PIK3C3: variants seen among roughly 807,000 people sequenced by gnomAD.
PIK3C3 encodes the protein PI3-kinase type 3.
In PIK3C3, 95 loss-of-function variants were observed where a neutral mutation model predicts 126.1. That is an observed-to-expected ratio of 0.75 (90% CI 0.64 to 0.89). PIK3C3 has a LOEUF of 0.89. Ranked by LOEUF, PIK3C3 falls within the 40% of genes least tolerant of loss-of-function variation. The probability of loss-of-function intolerance (pLI) is 0.00; values close to 1 mark genes in which losing one functional copy is unlikely to be tolerated. For missense variants in PIK3C3, 829 were observed against 1,063.2 expected, an observed-to-expected ratio of 0.78 and a Z score of 3.06; for synonymous variants, 374 against 360.0, an observed-to-expected ratio of 1.04 and a Z score of -0.44.
chr18:42,023,052 A>G (rs1983397477), intron 13 of PIK3C3, among the ~76,000 whole-genome samples: 1 of 152,180 alleles, frequency 6.6e-6, no homozygotes, highest in African/African-American at 2.4e-5. Context: ...AAAGCTTCTT[A>G]GGTATTTTTA....
At position 42,029,333 on chromosome 18, in the gene PIK3C3, G is replaced by A. The variant is rs767147872; in HGVS notation, c.1599G>A (p.Lys533=). 1.9e-6 allele frequency: 3 copies of A among 1,610,864 alleles called. No individual in the cohort carries two copies. Among genetic ancestry groups the A allele is most frequent in the Admixed American group, 1.7e-5 (1 of 60,018 alleles). Residue 533 remains lysine (K), a synonymous_variant, in exon 15 of 25, where the codon AAG becomes AAA. Coordinates refer to ENST00000262039, the MANE Select transcript of PIK3C3 (RefSeq NM_002647.4). ...RFSQALLKGD[K]SVRVMRSLLA... is the part of the protein sequence containing the mutation. ...CACTTTGAACCCTTCAGGGTGATAAGTCTGTCAGAGTTATGCGTTCTTTGC... is the reference window on the plus strand; with the variant it reads ...CACTTTGAACCCTTCAGGGTGATAAATCTGTCAGAGTTATGCGTTCTTTGC...
chr18:42,026,074 G>A (rs1057352593), intron 13 of PIK3C3: 2 of 152,104 alleles, frequency 1.3e-5, no homozygotes, highest in Admixed American at 6.5e-5. Flanking sequence ...TAAGAAGGTC[G>A]AAAAGTTTCA....
At chr18:41,985,511 T>C (rs971503244) in intron 4 of PIK3C3, among the ~76,000 whole-genome samples, 1 of 152,148 alleles carries the variant, frequency 6.6e-6, no homozygotes, top group African/African-American at 2.4e-5. Context: ...ACAATATCTT[T>C]CCTGTGAAGG....
intron 19 of PIK3C3, among the ~76,000 whole-genome samples, chr18:42,041,187 AAAAC>A (rs1034849946): frequency 5.9e-5 from 9 of 152,276 alleles, no homozygotes; most frequent in African/African-American, 2.2e-4. Context: ...GTGTCAAAAA[AAAAC>A]AAAAAAAACC....
intron 10 of PIK3C3, among the ~76,000 whole-genome samples, chr18:42,007,225 T>C (rs1598889569): frequency 1.3e-5 from 2 of 152,318 alleles, no homozygotes; most frequent in South Asian, 2.1e-4. Flanking sequence ...CCAAAAGATA[T>C]CTGCTTTTTA....
rs993864611 is a variant in PIK3C3, at chr18:42,081,935, T to C, written c.*798T>C. 4 of 152,188 alleles carry C rather than the reference T, an allele frequency of 2.6e-5. No homozygotes were observed. Among genetic ancestry groups the C allele is most frequent in the African/African-American group, 9.6e-5 (4 of 41,454 alleles). 9.4% of individuals were successfully genotyped at this position (152,188 alleles called of 1,614,324 possible). A position where few individuals can be genotyped will look rare whatever the true frequency, so the allele number is the denominator to read the frequency against. On this transcript the variant is annotated 3_prime_UTR_variant, in exon 25 of 25. Coordinates refer to ENST00000262039, the MANE Select transcript of PIK3C3 (RefSeq NM_002647.4). ...GTCTTTCTGCAATAAATTTTTTGGA[T>C]GCAAATTTAGATTTCAAAAGCTTTT... is the stretch of plus-strand genomic sequence containing the variant.
In PIK3C3 at chr18:42,010,546, A is replaced by G. The variant is rs538646848; in HGVS notation, c.1171-2896A>G. Among the ~76,000 whole-genome samples, 290 of 152,142 alleles carry G rather than the reference A, an allele frequency of 1.9e-3. 1 individual carries two copies. The highest frequency in any genetic ancestry group is 6.4e-3 in the African/African-American group (266 of 41,524). On this transcript the variant is annotated intron_variant, in intron 10 of 24. Coordinates refer to ENST00000262039, the MANE Select transcript of PIK3C3 (RefSeq NM_002647.4). ...GCGCCCACCTAATTTTTGTATTTTTAGTAGAGACAGGGTTTCGCCATGTTA... is the reference window on the plus strand; with the variant it reads ...GCGCCCACCTAATTTTTGTATTTTTGGTAGAGACAGGGTTTCGCCATGTTA...
chr18:42,003,038 G>C (rs997525593), intron 9 of PIK3C3, among the ~76,000 whole-genome samples: 3 of 152,156 alleles, frequency 2.0e-5, no homozygotes, highest in Non-Finnish European at 4.4e-5. Flanking sequence ...TCTACATCTA[G>C]CTCATGCACC....
At chr18:41,968,366 T>G (rs16975461) in intron 3 of PIK3C3, among the ~76,000 whole-genome samples, 2,768 of 152,316 alleles carry the variant, frequency 0.018, 95 homozygotes, top group African/African-American at 0.062. Context: ...TGAATCTATA[T>G]CTCAGTTGAA....
At chr18:41,977,530 C>T (rs952962653) in intron 4 of PIK3C3, among the ~76,000 whole-genome samples, 2 of 151,950 alleles carry the variant, frequency 1.3e-5, no homozygotes, top group Admixed American at 6.5e-5. Context: ...CAGTCTCACT[C>T]TGTCGTCCAG....
In PIK3C3 at chr18:42,081,252, A is replaced by C; in HGVS notation, c.*115A>C. Reference sequence around the variant, plus strand: ...CAAGGAAGAGAAATCTTAATCTTCAAGTTACCATATTTTCCAAATATTACA... The same window carrying C: ...CAAGGAAGAGAAATCTTAATCTTCACGTTACCATATTTTCCAAATATTACA... On this transcript the variant is annotated 3_prime_UTR_variant, in exon 25 of 25. Coordinates refer to ENST00000262039, the MANE Select transcript of PIK3C3 (RefSeq NM_002647.4). 1.5e-6 allele frequency: 1 copy of C among 646,546 alleles called. No homozygotes were observed. The highest frequency in any genetic ancestry group is 2.8e-5 in the East Asian group (1 of 35,564). The allele number at this position is 646,546 out of a possible 1,614,324, so 40.1% of individuals were successfully genotyped here. A position where few individuals can be genotyped will look rare whatever the true frequency, so the allele number is the denominator to read the frequency against.
At chr18:42,051,451 T>G (rs1465231722) in intron 21 of PIK3C3, 1 of 151,946 alleles carries the variant, frequency 6.6e-6, no homozygotes, top group African/African-American at 2.4e-5. Flanking sequence ...AATAATAATT[T>G]AACATAATAC....
chr18:41,964,422 T>A (rs936797167), intron 3 of PIK3C3, among the ~76,000 whole-genome samples: 1 of 152,096 alleles, frequency 6.6e-6, no homozygotes, highest in Non-Finnish European at 1.5e-5. Context: ...TGCCTCAATG[T>A]CTTCATATGT....
In PIK3C3 at chr18:42,043,823, T is replaced by A. The variant is rs762631822; in HGVS notation, c.2188+6T>A. ...CACTTACGTTAAAAGCTGTGGTAAG[T>A]TTTTCAGGCTATTACTTTCCATTGA... On this transcript the variant is annotated splice_donor_region_variant and intron_variant, in intron 20 of 24. Transcript: ENST00000262039. The A allele has an allele frequency of 2.5e-6, 4 of 1,595,872 alleles. No individual in the cohort carries two copies. In the South Asian group the frequency reaches 4.4e-5, roughly 18 times the overall value.
Position 41,983,387 on chromosome 18 carries a change from T to G in PIK3C3, c.532-4425T>G, listed in dbSNP as rs1420604059. 2.0e-5 allele frequency among the ~76,000 whole-genome samples: 3 copies of G among 152,058 alleles called. 1 individual carries two copies. Among genetic ancestry groups the G allele is most frequent in the Admixed American group, 2.0e-4 (3 of 15,254 alleles). ...TTTTTTTCTCTCTCCAGCTTCCTTTTTAGTGTCACTCCCACCTCTTCCCCT... is the reference window on the plus strand; with the variant it reads ...TTTTTTTCTCTCTCCAGCTTCCTTTGTAGTGTCACTCCCACCTCTTCCCCT... On this transcript the variant is annotated intron_variant, in intron 4 of 24. Coordinates refer to ENST00000262039, the MANE Select transcript of PIK3C3 (RefSeq NM_002647.4).
At chr18:42,014,207 C>CAAAAAAAAAAAAAAAAA (rs58086258) in intron 11 of PIK3C3, among the ~76,000 whole-genome samples, 1 of 40,996 alleles carries the variant, frequency 2.4e-5, no homozygotes, top group African/African-American at 8.9e-5. Context: ...GACTCCGTCT[C>CAAAAAAAAAAAAAAAAA]AAAAAAAAAA....
chr18:41,976,283 T>A (rs893317344), intron 4 of PIK3C3, among the ~76,000 whole-genome samples: 7 of 152,202 alleles, frequency 4.6e-5, no homozygotes, highest in African/African-American at 1.7e-4. Context: ...AGGAGCTCCC[T>A]GAGATTTTAG....
chr18:42,021,374 A>G (rs1472842784), intron 13 of PIK3C3, among the ~76,000 whole-genome samples: 1 of 152,162 alleles, frequency 6.6e-6, no homozygotes, highest in Non-Finnish European at 1.5e-5. Context: ...GGTGCCCTTT[A>G]TTTGCCCCAG....
At chr18:41,967,499 T>C (rs1046077071) in intron 3 of PIK3C3, among the ~76,000 whole-genome samples, 11 of 152,186 alleles carry the variant, frequency 7.2e-5, no homozygotes, top group African/African-American at 2.4e-4. Flanking sequence ...TTAAAAGTGA[T>C]CCTCAAGACA....
Sources: allele counts gnomAD v4.1 joint callset (sites outside exome capture counted in the v4.1 genomes callset), GRCh38; gene constraint gnomAD v4.1.1; transcripts MANE v1.5; gene names NCBI Gene and HGNC (gene_info 2026-07-23, HGNC 2026-07-21).